Variants in TFAP2D observed in about 807,000 individuals in gnomAD.
TFAP2D encodes the protein transcription factor AP-2 delta.
A neutral mutation model predicts 43.6 loss-of-function variants in TFAP2D; 9 were observed. The observed-to-expected ratio is 0.21, with a 90% confidence interval of 0.12 to 0.36. The LOEUF (loss-of-function observed/expected upper bound fraction) is 0.36, where lower values mean the gene tolerates loss of function less well. Ranked by LOEUF, TFAP2D falls within the 10% of genes least tolerant of loss-of-function variation. The pLI is 1.00. For missense variants in TFAP2D, 513 were observed against 561.4 expected (o/e 0.91, Z 0.87); for synonymous variants, 256 against 224.9 (o/e 1.14, Z -1.24).
chr6:50,728,514 T>C (rs988502483), intron 3 of TFAP2D, among the ~76,000 whole-genome samples: 2 of 152,236 alleles, frequency 1.3e-5, no homozygotes, highest in African/African-American at 4.8e-5. Context: ...CTAGTCTTTG[T>C]GAGCTTAACT....
intron 5 of TFAP2D, among the ~76,000 whole-genome samples, chr6:50,735,087 G>A (rs888220120): frequency 6.6e-6 from 1 of 152,084 alleles, no homozygotes; most frequent in Admixed American, 6.6e-5. Flanking sequence ...TAAGATTGTT[G>A]CAAGGGTTAA....
At chr6:50,742,483 T>G (rs1483702834) in intron 5 of TFAP2D, among the ~76,000 whole-genome samples, 1 of 152,008 alleles carries the variant, frequency 6.6e-6, no homozygotes, top group Non-Finnish European at 1.5e-5. Context: ...TTTGCCCTGT[T>G]TTACCTCTCC....
chr6:50,772,944 T>A lies in TFAP2D; in HGVS notation c.*80T>A. Reference sequence around the variant, plus strand: ...TATATATATCATTGAGGGTGACTAATCTTCAGTGGACCAAATCTCTACCCT... The same window carrying A: ...TATATATATCATTGAGGGTGACTAAACTTCAGTGGACCAAATCTCTACCCT... On this transcript the variant is annotated 3_prime_UTR_variant, in exon 8 of 8. Coordinates refer to ENST00000008391, the MANE Select transcript of TFAP2D (RefSeq NM_172238.4). 1 of 1,308,564 alleles carries A rather than the reference T, an allele frequency of 7.6e-7. No individual in the cohort carries two copies. Among genetic ancestry groups the A allele is most frequent in the South Asian group, 1.4e-5 (1 of 73,182 alleles). 81.1% of individuals were successfully genotyped at this position (1,308,564 alleles called of 1,614,324 possible).
intron 5 of TFAP2D, among the ~76,000 whole-genome samples, chr6:50,731,806 C>T (rs1295104837): frequency 2.6e-5 from 4 of 151,986 alleles, no homozygotes; most frequent in Non-Finnish European, 4.4e-5. Flanking sequence ...TGACTCCTTT[C>T]CAGCCAGCAA....
intron 5 of TFAP2D, among the ~76,000 whole-genome samples, chr6:50,742,573 C>G (rs985402380): frequency 6.9e-6 from 1 of 145,382 alleles, no homozygotes; most frequent in African/African-American, 2.6e-5. Flanking sequence ...GACAGACACA[C>G]ATAGATAGAT....
intron 3 of TFAP2D, among the ~76,000 whole-genome samples, chr6:50,724,945 G>T (rs1768787201): frequency 6.6e-6 from 1 of 152,028 alleles, no homozygotes; most frequent in Non-Finnish European, 1.5e-5. Flanking sequence ...GAGATAAGTA[G>T]AGCAAGTGTG....
At chr6:50,719,272 C>T (rs2114029410) in intron 3 of TFAP2D, 122 bp downstream of exon 3, 2 of 1,039,318 alleles carry the variant, frequency 1.9e-6, no homozygotes, top group South Asian at 3.0e-5. Context: ...TATGCTTAGT[C>T]AATTATTCTA....
chr6:50,725,121 AG>A (rs1431230936), intron 3 of TFAP2D, among the ~76,000 whole-genome samples: 1 of 152,178 alleles, frequency 6.6e-6, no homozygotes, highest in Non-Finnish European at 1.5e-5. Context: ...AAGGCAGCCA[AG>A]GTAAAGCCAC....
At chr6:50,723,970 G>C (rs1768769046) in intron 3 of TFAP2D, among the ~76,000 whole-genome samples, 1 of 152,090 alleles carries the variant, frequency 6.6e-6, no homozygotes, top group Non-Finnish European at 1.5e-5. Flanking sequence ...TGGTAATCCA[G>C]CTATACCTGT....
chr6:50,758,628 T>C (rs975648576), intron 7 of TFAP2D, among the ~76,000 whole-genome samples: 1 of 152,074 alleles, frequency 6.6e-6, no homozygotes, highest in African/African-American at 2.4e-5. Context: ...CAGATATTTG[T>C]CTCTACTTAA....
In TFAP2D at chr6:50,715,117, T is replaced by C. The variant is rs1486464329; in HGVS notation, c.41T>C (p.Ile14Thr). ...CCCTTTTCCCCCTCTTCCTTCCAGA[T>C]ACGTCACGACGGATCAAACAGCTAC... ...TFPGLVHDAE[I>T]RHDGSNSYRL... Residue 14 changes from isoleucine to threonine, a missense_variant and splice_region_variant, in exon 2 of 8, where the codon ATA becomes ACA. This residue lies in a region of TFAP2D where 311 missense variants were observed against 316.2 expected (regional missense o/e 0.98). Coordinates refer to ENST00000008391, the MANE Select transcript of TFAP2D (RefSeq NM_172238.4). 2.5e-6 allele frequency: 4 copies of C among 1,610,958 alleles called. No individual in the cohort carries two copies. The highest frequency in any genetic ancestry group is 3.4e-6 in the Non-Finnish European group (4 of 1,177,328).
Position 50,730,227 on chromosome 6 carries a change from C to T in TFAP2D, c.883+915C>T, listed in dbSNP as rs114951267. Among the ~76,000 whole-genome samples, 835 of 152,176 alleles carry T rather than the reference C, an allele frequency of 5.5e-3. 9 individuals are homozygous for T. Among genetic ancestry groups the T allele is most frequent in the African/African-American group, 0.017 (696 of 41,532 alleles). ...TATACTTTTTTTCAGATTTTCAATA[C>T]GTAGCATTTATTGTACAACACTGAG... On this transcript the variant is annotated intron_variant, in intron 5 of 7. Transcript: ENST00000008391.
intron 7 of TFAP2D, among the ~76,000 whole-genome samples, chr6:50,760,930 T>C (rs376600811): frequency 4.0e-5 from 6 of 150,804 alleles, no homozygotes; most frequent in East Asian, 3.9e-4. Context: ...CTGGCTGTTC[T>C]CATGAGTAGA....
At chr6:50,733,663 A>C (rs992149052) in intron 5 of TFAP2D, among the ~76,000 whole-genome samples, 3 of 152,052 alleles carry the variant, frequency 2.0e-5, no homozygotes, top group African/African-American at 7.2e-5. Context: ...TTTACTTCAG[A>C]AGTATGTTTG....
intron 7 of TFAP2D, 45 bp from the exon 8 acceptor site, chr6:50,772,600 C>G: frequency 6.5e-7 from 1 of 1,536,284 alleles, no homozygotes; most frequent in Non-Finnish European, 9.0e-7. Flanking sequence ...TCACATGATA[C>G]TGCAAATCAT....
chr6:50,757,488 T>TA (rs1769292489), intron 7 of TFAP2D, among the ~76,000 whole-genome samples: 2 of 98,862 alleles, frequency 2.0e-5, no homozygotes, highest in African/African-American at 4.1e-5. Context: ...TCTATATATA[T>TA]ATAATATATA....
At chr6:50,719,478 AAAGAAAGAAAGAAAGAAAGAAAG>A (rs1465221303) in intron 3 of TFAP2D, among the ~76,000 whole-genome samples, 17 of 137,416 alleles carry the variant, frequency 1.2e-4, no homozygotes, top group African/African-American at 4.3e-4. Flanking sequence ...AGAAAGAAAG[AAAGAAAGAAAGAAAGAAAGAAAG>A]AAGTTTCTCA....
rs71305731 is a variant in TFAP2D at position 50,714,104 on chromosome 6, CTT to C, written c.39+29_39+30del. 0.053 allele frequency: 69,659 copies of C among 1,319,302 alleles called. 421 individuals are homozygous for C. The highest frequency in any genetic ancestry group is 0.19 in the African/African-American group (10,764 of 58,128). The allele number at this position is 1,319,302 out of a possible 1,614,324, so 81.7% of individuals were successfully genotyped here. A position where few individuals can be genotyped will look rare whatever the true frequency, so the allele number is the denominator to read the frequency against. On this transcript the variant is annotated intron_variant, in intron 1 of 7. Transcript: ENST00000008391. Reference sequence around the variant, plus strand: ...AGTCCACGATGCCGAGGTATTATTACTTTTTTTTTTTTTTTTTTTTGAGCGCG... The same window carrying C: ...AGTCCACGATGCCGAGGTATTATTACTTTTTTTTTTTTTTTTTTGAGCGCG...
At chr6:50,722,954 G>A (rs1768753067) in intron 3 of TFAP2D, among the ~76,000 whole-genome samples, 1 of 152,232 alleles carries the variant, frequency 6.6e-6, no homozygotes, top group African/African-American at 2.4e-5. Context: ...TGGGCCACGC[G>A]AAGAGGGAGC....
Sources: gnomAD v4.1 joint callset for allele counts (sites outside exome capture counted in the v4.1 genomes callset) on GRCh38, gnomAD v4.1.1 for gene constraint, gnomAD v4.1.1 regional missense constraint, MANE v1.5 for transcripts, NCBI Gene and HGNC (gene_info 2026-07-23, HGNC 2026-07-21) for gene names.